Variants in PTPN9 observed in about 807,000 individuals in gnomAD.
PTPN9 encodes protein tyrosine phosphatase non-receptor type 9.
In PTPN9, 26 loss-of-function variants were observed where a neutral mutation model predicts 69.8. That is an observed-to-expected ratio of 0.37 (90% CI 0.27 to 0.52). PTPN9 has a LOEUF of 0.52. Ranked by LOEUF, PTPN9 falls within the 20% of genes least tolerant of loss-of-function variation. PTPN9 has a pLI of 0.91. For missense variants in PTPN9, 549 were observed against 740.3 expected (o/e 0.74, Z 3.00); for synonymous variants, 274 against 272.5 (o/e 1.01, Z -0.05).
At position 75,466,102 on chromosome 15, in the gene PTPN9, A is replaced by T. The variant is rs2074535446; in HGVS notation, c.*2667T>A. 1 of 152,264 alleles carries T rather than the reference A, an allele frequency of 6.6e-6. No individual in the cohort carries two copies. The highest frequency in any genetic ancestry group is 2.4e-5 in the African/African-American group (1 of 41,454). The allele number at this position is 152,264 out of a possible 1,614,324, so 9.4% of individuals were successfully genotyped here. A position where few individuals can be genotyped will look rare whatever the true frequency, so the allele number is the denominator to read the frequency against. On this transcript the variant is annotated 3_prime_UTR_variant, in exon 13 of 13. Transcript: ENST00000618819. ...TGGATCCTTAGAGGAAGTCTAGTGTAAGAGGTGAAAGAAGATACTTTGGAG... is the reference window on the plus strand; with the variant it reads ...TGGATCCTTAGAGGAAGTCTAGTGTTAGAGGTGAAAGAAGATACTTTGGAG...
chr15:75,579,165 C>A lies in PTPN9; in HGVS notation c.-389G>T, dbSNP rs1307476249. ...AAATTTCCCGAAGGCCGCCGACCCC[C>A]TCGGCGCCCCGCTTCCTCGGCCGCG... is the stretch of plus-strand genomic sequence containing the variant. On this transcript the variant is annotated 5_prime_UTR_variant, in exon 1 of 13. It adds an upstream start codon to the 5' untranslated region. Transcript: ENST00000618819. 1 of 152,950 alleles carries A rather than the reference C, an allele frequency of 6.5e-6. No homozygotes were observed. Among genetic ancestry groups the A allele is most frequent in the African/African-American group, 2.4e-5 (1 of 41,504 alleles). The allele number at this position is 152,950 out of a possible 1,614,324, so 9.5% of individuals were successfully genotyped here.
intron 1 of PTPN9, among the ~76,000 whole-genome samples, chr15:75,573,543 TA>T (rs1253773833): frequency 6.6e-6 from 1 of 152,152 alleles, no homozygotes. Flanking sequence ...ACACAGCATA[TA>T]AATCAAAGTA....
chr15:75,559,639 G>A (rs2075094861), intron 1 of PTPN9, among the ~76,000 whole-genome samples: 3 of 152,020 alleles, frequency 2.0e-5, no homozygotes, highest in Admixed American at 2.0e-4. Context: ...CACTGCGGAA[G>A]GCCGCAGGGT....
chr15:75,549,482 G>C (rs971574762), intron 1 of PTPN9, among the ~76,000 whole-genome samples: 2 of 152,152 alleles, frequency 1.3e-5, no homozygotes, highest in Admixed American at 6.6e-5. Context: ...GATTACAGGT[G>C]TAAGCCACCA....
intron 8 of PTPN9, among the ~76,000 whole-genome samples, chr15:75,486,781 G>GTTTT (rs34430924): frequency 4.2e-5 from 5 of 118,514 alleles, no homozygotes; most frequent in South Asian, 2.8e-4. Context: ...CATATGTGGT[G>GTTTT]TTTTTTTTTT....
intron 1 of PTPN9, among the ~76,000 whole-genome samples, chr15:75,551,358 C>T (rs1213835316): frequency 1.3e-5 from 2 of 152,190 alleles, no homozygotes; most frequent in East Asian, 1.9e-4. Context: ...CTAAAACCCA[C>T]GCTCTTTTTC....
At chr15:75,570,847 T>C (rs1411587115) in intron 1 of PTPN9, among the ~76,000 whole-genome samples, 2 of 152,026 alleles carry the variant, frequency 1.3e-5, no homozygotes, top group Non-Finnish European at 2.9e-5. Flanking sequence ...AAATGCAAGA[T>C]AATAATTTTC....
At chr15:75,543,381 C>A (rs1048947705) in intron 1 of PTPN9, among the ~76,000 whole-genome samples, 2 of 152,146 alleles carry the variant, frequency 1.3e-5, no homozygotes, top group Non-Finnish European at 2.9e-5. Flanking sequence ...ATAAAGAAAT[C>A]AAAGGCTCAC....
chr15:75,558,007 C>T (rs1041288312), intron 1 of PTPN9, among the ~76,000 whole-genome samples: 1 of 152,000 alleles, frequency 6.6e-6, no homozygotes, highest in Non-Finnish European at 1.5e-5. Flanking sequence ...CCAGCCTGGC[C>T]AACATGCCAA....
chr15:75,472,513 G>A (rs2074573202), intron 10 of PTPN9, among the ~76,000 whole-genome samples: 1 of 148,770 alleles, frequency 6.7e-6, no homozygotes, highest in South Asian at 2.1e-4. Context: ...AAATCTTCCT[G>A]GCCAGGCGCA....
At chr15:75,534,674 CAAAA>C (rs56302688) in intron 1 of PTPN9, among the ~76,000 whole-genome samples, 1 of 96,294 alleles carries the variant, frequency 1.0e-5, no homozygotes. Context: ...GACTCTATCT[CAAAA>C]AAAAAAAAAA....
At chr15:75,475,460 T>G (rs1039670867) in intron 9 of PTPN9, among the ~76,000 whole-genome samples, 2 of 152,024 alleles carry the variant, frequency 1.3e-5, no homozygotes, top group Non-Finnish European at 2.9e-5. Flanking sequence ...GTGCCTGTAA[T>G]CCCAGCTACT....
chr15:75,479,973 A>C, intron 8 of PTPN9, 59 bp from the exon 9 acceptor site: 1 of 1,216,782 alleles, frequency 8.2e-7, no homozygotes, highest in Non-Finnish European at 1.2e-6. Context: ...TGGGTCATAA[A>C]ATGATGTACT....
intron 1 of PTPN9, among the ~76,000 whole-genome samples, chr15:75,533,108 T>C (rs183819215): frequency 6.6e-6 from 1 of 152,356 alleles, no homozygotes; most frequent in Non-Finnish European, 1.5e-5. Flanking sequence ...TCTATGCTTA[T>C]GAAACACAAG....
intron 12 of PTPN9, among the ~76,000 whole-genome samples, chr15:75,469,495 C>T (rs1422437410): frequency 6.6e-6 from 1 of 152,244 alleles, no homozygotes; most frequent in African/African-American, 2.4e-5. Flanking sequence ...AAGGAAGCAG[C>T]AGCCCAGCTG....
intron 8 of PTPN9, among the ~76,000 whole-genome samples, chr15:75,481,979 G>A (rs1220170693): frequency 2.1e-4 from 30 of 145,776 alleles, no homozygotes; most frequent in Admixed American, 1.2e-3. Context: ...CATTGAGAAC[G>A]GGCCAGGATG....
In PTPN9 at chr15:75,508,944, G is replaced by A. The variant is rs746863892; in HGVS notation, c.612C>T (p.Leu204=). The change falls in exon 6 of 13, where the codon CTC becomes CTT. Residue 204 remains leucine (L), a synonymous_variant. Coordinates refer to ENST00000618819, the MANE Select transcript of PTPN9 (RefSeq NM_002833.4). ...WFRVPYSIIS[L]LLKDKVRERI... is the part of the protein sequence containing the mutation. ...TCTCCCGGACTTTGTCCTTCAGGAG[G>A]AGACTGATGATGGAATAGGGCACTC... 1.9e-6 allele frequency: 3 copies of A among 1,613,890 alleles called. No individual in the cohort carries two copies. Among genetic ancestry groups the A allele is most frequent in the Admixed American group, 1.7e-5 (1 of 59,992 alleles).
At chr15:75,565,109 TATAATA>T (rs200204488) in intron 1 of PTPN9, among the ~76,000 whole-genome samples, 41,102 of 141,586 alleles carry the variant, frequency 0.29, 6,286 homozygotes, top group Middle Eastern at 0.46. Flanking sequence ...TCAAAAAATA[TATAATA>T]ATAATAATAA....
intron 8 of PTPN9, among the ~76,000 whole-genome samples, chr15:75,482,927 CCTGAGCGACAGAGCGAGA>C (rs1408364794): frequency 6.6e-6 from 1 of 151,948 alleles, no homozygotes; most frequent in Non-Finnish European, 1.5e-5. Context: ...TGCACTCCAG[CCTGAGCGACAGAGCGAGA>C]CTCTGTCTCA....
Sources: allele counts gnomAD v4.1 joint callset (sites outside exome capture counted in the v4.1 genomes callset), GRCh38; gene constraint gnomAD v4.1.1; transcripts MANE v1.5; gene names NCBI Gene and HGNC (gene_info 2026-07-23, HGNC 2026-07-21).